The following CNTN1 variants were observed in gnomAD, a reference collection of about 807,000 sequenced individuals.
CNTN1 encodes the protein contactin-1.
Under a neutral mutation model 126.4 loss-of-function variants are expected in CNTN1, and 38 were observed. The ratio of observed to expected loss-of-function variants is 0.30; its 90% CI spans 0.23 to 0.39. The LOEUF (loss-of-function observed/expected upper bound fraction) is 0.39, where lower values mean the gene tolerates loss of function less well. Ranked by LOEUF, CNTN1 falls within the 10% of genes least tolerant of loss-of-function variation. The pLI is 1.00. For synonymous variants in CNTN1, 413 were observed against 422.6 expected, an observed-to-expected ratio of 0.98 and a Z score of 0.28; for missense variants, 1,009 against 1,248.4, an observed-to-expected ratio of 0.81 and a Z score of 2.89.
intron 23 of CNTN1, among the ~76,000 whole-genome samples, chr12:41,060,020 G>T (rs11179652): frequency 0.082 from 12,412 of 151,124 alleles, 748 homozygotes; most frequent in African/African-American, 0.16. Flanking sequence ...TGAGTTTGTC[G>T]GAAAAAAAAA....
intron 1 of CNTN1, among the ~76,000 whole-genome samples, chr12:40,712,031 TA>T (rs1239140440): frequency 3.5e-4 from 54 of 152,146 alleles, no homozygotes; most frequent in African/African-American, 1.2e-3. Context: ...CAAATTTCTT[TA>T]AACATTCATC....
At chr12:41,050,052 A>G (rs1479880316) in intron 23 of CNTN1, among the ~76,000 whole-genome samples, 2 of 152,072 alleles carry the variant, frequency 1.3e-5, no homozygotes, top group Non-Finnish European at 2.9e-5. Context: ...GGTGCATGCC[A>G]CTAGGCCCAG....
At chr12:41,013,737 G>A (rs1005268389) in intron 17 of CNTN1, among the ~76,000 whole-genome samples, 1 of 152,094 alleles carries the variant, frequency 6.6e-6, no homozygotes, top group African/African-American at 2.4e-5. Context: ...CACTGACGGC[G>A]CAGTTTCAGA....
chr12:40,969,577 T>C (rs1188554852), intron 15 of CNTN1, among the ~76,000 whole-genome samples: 1 of 152,198 alleles, frequency 6.6e-6, no homozygotes, highest in Admixed American at 6.5e-5. Context: ...TGATTGCAGA[T>C]TTTGGCATAA....
intron 1 of CNTN1, among the ~76,000 whole-genome samples, chr12:40,840,360 A>G (rs1383069208): frequency 6.6e-6 from 1 of 151,994 alleles, no homozygotes; most frequent in Non-Finnish European, 1.5e-5. Flanking sequence ...ATATTACTAG[A>G]TCTAAAGAGA....
At chr12:40,882,413 A>G (rs1457118494) in intron 1 of CNTN1, among the ~76,000 whole-genome samples, 1 of 151,732 alleles carries the variant, frequency 6.6e-6, no homozygotes, top group Non-Finnish European at 1.5e-5. Context: ...AAAGTAGATG[A>G]TTTGAAAGTC....
intron 1 of CNTN1, among the ~76,000 whole-genome samples, chr12:40,700,503 G>GT (rs1941567532): frequency 6.6e-6 from 1 of 151,926 alleles, no homozygotes; most frequent in Non-Finnish European, 1.5e-5. Context: ...TCCAGCCTGG[G>GT]TGACAGGGTG....
At chr12:40,779,102 T>G (rs1322451197) in intron 1 of CNTN1, among the ~76,000 whole-genome samples, 1 of 151,832 alleles carries the variant, frequency 6.6e-6, no homozygotes. Context: ...TCCACATTTC[T>G]GAAAGCAAAA....
chr12:40,880,301 C>G (rs1943827870), intron 1 of CNTN1, among the ~76,000 whole-genome samples: 1 of 151,920 alleles, frequency 6.6e-6, no homozygotes, highest in Admixed American at 6.6e-5. Context: ...TTTAGGAAAT[C>G]TGAGTAAGAG....
At chr12:41,050,926 T>C (rs945125642) in intron 23 of CNTN1, among the ~76,000 whole-genome samples, 1 of 152,136 alleles carries the variant, frequency 6.6e-6, no homozygotes, top group Admixed American at 6.5e-5. Context: ...GTTTATGTTA[T>C]GTGGCCCTTT....
chr12:40,891,531 T>C (rs1158548358), intron 1 of CNTN1, among the ~76,000 whole-genome samples: 1 of 152,134 alleles, frequency 6.6e-6, no homozygotes, highest in Non-Finnish European at 1.5e-5. Flanking sequence ...TAAATTTAGG[T>C]CCCTGACTCA....
chr12:40,951,714 T>TAAAAAAAAAAAAAAAAAAA (rs1294780787), intron 14 of CNTN1, among the ~76,000 whole-genome samples: 1 of 79,644 alleles, frequency 1.3e-5, no homozygotes. Flanking sequence ...GTCTCAAAAT[T>TAAAAAAAAAAAAAAAAAAA]TAAAAAAAAA....
chr12:40,868,995 A>C (rs749070645), intron 1 of CNTN1, among the ~76,000 whole-genome samples: 48 of 151,946 alleles, frequency 3.2e-4, no homozygotes, highest in Non-Finnish European at 5.3e-4. Context: ...GTCATTATTC[A>C]TTTCAGATTT....
chr12:40,965,707 G>A (rs1016649606), intron 15 of CNTN1, among the ~76,000 whole-genome samples: 2 of 152,154 alleles, frequency 1.3e-5, no homozygotes, highest in Non-Finnish European at 2.9e-5. Flanking sequence ...ATGTTGCCAT[G>A]TGAAAAGTTT....
At chr12:40,836,228 T>C (rs1942055042) in intron 1 of CNTN1, among the ~76,000 whole-genome samples, 1 of 148,146 alleles carries the variant, frequency 6.8e-6, no homozygotes, top group Non-Finnish European at 1.5e-5. Context: ...ATTGTATATA[T>C]GAATACATAA....
chr12:40,722,627 C>G (rs569838287), intron 1 of CNTN1, among the ~76,000 whole-genome samples: 1 of 152,170 alleles, frequency 6.6e-6, no homozygotes, highest in African/African-American at 2.4e-5. Flanking sequence ...CACACACATG[C>G]ACGCACACAC....
chr12:40,884,244 A>C (rs1261382926), intron 1 of CNTN1, among the ~76,000 whole-genome samples: 1 of 150,580 alleles, frequency 6.6e-6, no homozygotes, highest in African/African-American at 2.4e-5. Flanking sequence ...CTTTTTCCTT[A>C]TTTTCTGCCT....
At chr12:41,016,026 C>T (rs886986231) in intron 18 of CNTN1, among the ~76,000 whole-genome samples, 3 of 152,156 alleles carry the variant, frequency 2.0e-5, no homozygotes, top group African/African-American at 2.4e-5. Flanking sequence ...AGTTTCTTTT[C>T]GATCACAAGG....
chr12:40,779,733 A>C (rs560816635), intron 1 of CNTN1, among the ~76,000 whole-genome samples: 23 of 152,082 alleles, frequency 1.5e-4, no homozygotes, highest in African/African-American at 5.5e-4. Flanking sequence ...TGAAAATAAG[A>C]GCAGAAGTTA....
Sources: gnomAD v4.1 joint callset for allele counts (sites outside exome capture counted in the v4.1 genomes callset) on GRCh38, gnomAD v4.1.1 for gene constraint, MANE v1.5 for transcripts, NCBI Gene and HGNC (gene_info 2026-07-23, HGNC 2026-07-21) for gene names.